The following MYO1E variants were observed in gnomAD, a reference collection of about 807,000 sequenced individuals.
MYO1E encodes the protein unconventional myosin-Ie.
In MYO1E, 68 loss-of-function variants were observed where a neutral mutation model predicts 151.1. The observed-to-expected ratio is 0.45, with a 90% CI of 0.37 to 0.55. The LOEUF (loss-of-function observed/expected upper bound fraction) is 0.55. Ranked by LOEUF, MYO1E falls within the 20% of genes least tolerant of loss-of-function variation. MYO1E has a pLI of 0.00. For missense variants in MYO1E, 1,363 were observed against 1,389.3 expected (o/e 0.98, Z 0.30); for synonymous variants, 601 against 501.7 (o/e 1.20, Z -2.64).
At chr15:59,247,066 C>T (rs1009816706) in intron 4 of MYO1E, among the ~76,000 whole-genome samples, 3 of 152,132 alleles carry the variant, frequency 2.0e-5, no homozygotes, top group African/African-American at 7.2e-5. Context: ...CATGATGGTG[C>T]GCATCTGTGG....
rs1448628401 is a variant in MYO1E at position 59,241,163 on chromosome 15, C to T, written c.333-4491G>A. ...ATACATGTCAGGGGCTGGGATGAAG[C>T]CTGAGCCATACATAAGAGGCAAAAA... is the stretch of plus-strand genomic sequence containing the variant. On this transcript the variant is annotated intron_variant, in intron 4 of 27. Transcript: ENST00000288235. Among the ~76,000 whole-genome samples, 6 of 152,182 alleles carry T rather than the reference C, an allele frequency of 3.9e-5. No individual in the cohort carries two copies. In the South Asian group the frequency reaches 8.3e-4, roughly 21 times the overall value.
intron 26 of MYO1E, among the ~76,000 whole-genome samples, chr15:59,144,248 C>T (rs1050892549): frequency 1.3e-5 from 2 of 152,196 alleles, no homozygotes; most frequent in Admixed American, 1.3e-4. Flanking sequence ...CTCACTGCAA[C>T]CTCCACCTCC....
intron 3 of MYO1E, among the ~76,000 whole-genome samples, chr15:59,259,799 A>G (rs1396385312): frequency 6.6e-6 from 1 of 152,172 alleles, no homozygotes; most frequent in Non-Finnish European, 1.5e-5. Context: ...TGACAAAACT[A>G]TAGAGTGGGC....
chr15:59,206,648 G>A (rs1477212353), intron 14 of MYO1E: 17 of 399,076 alleles, frequency 4.3e-5, no homozygotes, highest in Non-Finnish European at 8.9e-6. Context: ...TAATTCCAGG[G>A]ATCTCGGTTA....
chr15:59,207,968 T>A (rs1566979089), intron 14 of MYO1E: 1 of 1,614,100 alleles, frequency 6.2e-7, no homozygotes, highest in East Asian at 2.2e-5. Flanking sequence ...ATTCCTTGTA[T>A]CCTGGGAGAG....
At chr15:59,345,184 A>G (rs773116449) in intron 1 of MYO1E, among the ~76,000 whole-genome samples, 5 of 152,196 alleles carry the variant, frequency 3.3e-5, no homozygotes, top group Non-Finnish European at 5.9e-5. Context: ...TCTAAAAGCA[A>G]TCAGATAATG....
intron 19 of MYO1E, among the ~76,000 whole-genome samples, chr15:59,176,721 T>C (rs1387532769): frequency 6.6e-6 from 1 of 152,144 alleles, no homozygotes; most frequent in African/African-American, 2.4e-5. Flanking sequence ...CCTCCCAAAG[T>C]ATTGAGATTA....
intron 17 of MYO1E, among the ~76,000 whole-genome samples, chr15:59,190,090 C>T (rs1434209503): frequency 9.9e-5 from 15 of 152,248 alleles, no homozygotes; most frequent in African/African-American, 3.4e-4. Flanking sequence ...CTCTGGATGC[C>T]GACAGATCCT....
chr15:59,141,797 CAAAAAAAAAA>C (rs753344067), intron 26 of MYO1E, among the ~76,000 whole-genome samples: 1 of 44,922 alleles, frequency 2.2e-5, no homozygotes, highest in African/African-American at 8.2e-5. Flanking sequence ...GACTTTGTCT[CAAAAAAAAAA>C]AAAAAAAAAA....
At chr15:59,259,418 A>G (rs1421147369) in intron 3 of MYO1E, among the ~76,000 whole-genome samples, 2 of 152,154 alleles carry the variant, frequency 1.3e-5, no homozygotes, top group Non-Finnish European at 2.9e-5. Context: ...AGATCAGTCC[A>G]AAACAATGGA....
At chr15:59,143,466 G>A (rs1344422025) in intron 26 of MYO1E, among the ~76,000 whole-genome samples, 3 of 152,176 alleles carry the variant, frequency 2.0e-5, no homozygotes, top group African/African-American at 7.2e-5. Context: ...CAGCTGCTTT[G>A]CTGGGGCGGC....
chr15:59,141,127 A>C (rs1014720153), intron 26 of MYO1E, among the ~76,000 whole-genome samples: 13 of 152,130 alleles, frequency 8.5e-5, no homozygotes, highest in African/African-American at 3.1e-4. Context: ...GTGACTTCTC[A>C]GCAACAAGGA....
At chr15:59,162,382 G>A (rs1408776658) in intron 23 of MYO1E, among the ~76,000 whole-genome samples, 4 of 152,170 alleles carry the variant, frequency 2.6e-5, no homozygotes, top group Admixed American at 6.5e-5. Context: ...GGTGGCTCAA[G>A]CCTGTGATCC....
At chr15:59,346,903 C>G (rs371713255) in intron 1 of MYO1E, among the ~76,000 whole-genome samples, 11 of 147,928 alleles carry the variant, frequency 7.4e-5, no homozygotes, top group African/African-American at 2.5e-4. Flanking sequence ...GGTGACAGAG[C>G]GAGACCTTGT....
At chr15:59,243,661 A>G (rs781637616) in intron 4 of MYO1E, among the ~76,000 whole-genome samples, 3 of 152,158 alleles carry the variant, frequency 2.0e-5, no homozygotes, top group African/African-American at 2.4e-5. Flanking sequence ...CCCCATGAAC[A>G]GCACAGTTCA....
chr15:59,136,614 T>C lies in MYO1E; in HGVS notation c.*766A>G. ...TTTCTACCATCTCAAGATTTTTATA[T>C]ATACAGTATATGATCTGTTTTTATA... On this transcript the variant is annotated 3_prime_UTR_variant, in exon 28 of 28. Transcript: ENST00000288235. 2.3e-6 allele frequency: 1 copy of C among 432,050 alleles called. No homozygotes were observed. Among genetic ancestry groups the C allele is most frequent in the Non-Finnish European group, 4.7e-6 (1 of 212,832 alleles). 26.8% of individuals were successfully genotyped at this position (432,050 alleles called of 1,614,324 possible).
rs576237295 is a variant in MYO1E at position 59,175,408 on chromosome 15, G to A, written c.2050-1168C>T. 1.9e-4 allele frequency among the ~76,000 whole-genome samples: 29 copies of A among 152,296 alleles called. 1 individual carries two copies. Among genetic ancestry groups the A allele is most frequent in the Admixed American group, 3.3e-4 (5 of 15,288 alleles). Reference sequence around the variant, plus strand: ...GTTTGAAGGCAGCTGGGCTTGATTTGTTGTCTCTGTTTATCCGGGTGCATG... The same window carrying A: ...GTTTGAAGGCAGCTGGGCTTGATTTATTGTCTCTGTTTATCCGGGTGCATG... On this transcript the variant is annotated intron_variant, in intron 19 of 27. Coordinates refer to ENST00000288235, the MANE Select transcript of MYO1E (RefSeq NM_004998.4).
intron 1 of MYO1E, among the ~76,000 whole-genome samples, chr15:59,283,229 C>T (rs1050918634): frequency 4.6e-5 from 7 of 151,908 alleles, no homozygotes; most frequent in African/African-American, 1.5e-4. Flanking sequence ...CTGCTTTCTC[C>T]GTTTTGAGGT....
At chr15:59,352,743 G>A (rs1160316512) in intron 1 of MYO1E, among the ~76,000 whole-genome samples, 2 of 152,182 alleles carry the variant, frequency 1.3e-5, no homozygotes, top group Non-Finnish European at 2.9e-5. Flanking sequence ...CTATTCAACA[G>A]TGTGTTAAAC....
Sources: gnomAD v4.1 joint callset for allele counts (sites outside exome capture counted in the v4.1 genomes callset) on GRCh38, gnomAD v4.1.1 for gene constraint, MANE v1.5 for transcripts, NCBI Gene and HGNC (gene_info 2026-07-23, HGNC 2026-07-21) for gene names.